Variants in TRAPPC12 observed in about 807,000 individuals in gnomAD.
TRAPPC12 encodes the protein trafficking protein particle complex subunit 12.
A neutral mutation model predicts 69.2 loss-of-function variants in TRAPPC12; 61 were observed. The observed-to-expected ratio is 0.88, with a 90% CI of 0.72 to 1.09. TRAPPC12 has a LOEUF of 1.09. Ranked by LOEUF, TRAPPC12 falls within the 50% of genes least tolerant of loss-of-function variation. The pLI, the probability that TRAPPC12 is intolerant of heterozygous loss-of-function variation, is 0.00. For missense variants in TRAPPC12, 1,101 were observed against 1,016.4 expected, an observed-to-expected ratio of 1.08 and a Z score of -1.13; for synonymous variants, 469 against 438.9, an observed-to-expected ratio of 1.07 and a Z score of -0.86.
chr2:3,456,472 C>G (rs1028722628), intron 6 of TRAPPC12: 1 of 152,250 alleles, frequency 6.6e-6, no homozygotes, highest in Admixed American at 6.5e-5. Flanking sequence ...GGAAGCGACA[C>G]GTTGCACAAA....
At chr2:3,438,516 C>T (rs1466201069) in intron 5 of TRAPPC12, among the ~76,000 whole-genome samples, 5 of 76,138 alleles carry the variant, frequency 6.6e-5, no homozygotes, top group Non-Finnish European at 1.2e-4. Context: ...CTGGATCAAT[C>T]CCCCCAATCC....
At chr2:3,406,907 C>A (rs185209071) in intron 3 of TRAPPC12, among the ~76,000 whole-genome samples, 1 of 152,274 alleles carries the variant, frequency 6.6e-6, no homozygotes, top group East Asian at 1.9e-4. Context: ...GTGTTTCATA[C>A]GTTGGAAATA....
chr2:3,476,936 C>T lies in TRAPPC12; in HGVS notation c.1777-759C>T, dbSNP rs150668779. Among the ~76,000 whole-genome samples the T allele has an allele frequency of 1.4e-4, 22 of 152,372 alleles. 1 individual carries two copies. In the South Asian group the frequency reaches 2.5e-3, roughly 17 times the overall value. ...GCAACTCTGTCTTTACCCTCGTGAG[C>T]GCGGCTTGGGCCATAATAGGACTTT... On this transcript the variant is annotated intron_variant, in intron 9 of 11. Transcript: ENST00000324266.
At chr2:3,471,300 C>G (rs1248050271) in intron 9 of TRAPPC12, among the ~76,000 whole-genome samples, 1 of 152,208 alleles carries the variant, frequency 6.6e-6, no homozygotes, top group African/African-American at 2.4e-5. Flanking sequence ...AACCCTGGCT[C>G]AAATTACAGA....
intron 7 of TRAPPC12, 54 bp downstream of exon 7, chr2:3,457,747 T>C: frequency 6.3e-7 from 1 of 1,599,698 alleles, no homozygotes; most frequent in Non-Finnish European, 8.5e-7. Context: ...ACTGACAGAC[T>C]GAGCCCAAAG....
intron 3 of TRAPPC12, among the ~76,000 whole-genome samples, chr2:3,404,058 C>G (rs1661595185): frequency 6.6e-6 from 1 of 152,140 alleles, no homozygotes; most frequent in East Asian, 1.9e-4. Context: ...AGAAGCTTTC[C>G]TGGGTTCAGT....
At chr2:3,405,110 C>T (rs1266231376) in intron 3 of TRAPPC12, among the ~76,000 whole-genome samples, 1 of 139,982 alleles carries the variant, frequency 7.1e-6, no homozygotes, top group Non-Finnish European at 1.5e-5. Context: ...TTGGTAGGGC[C>T]AGTGTCAGGC....
rs1265665158 is a variant in TRAPPC12, at chr2:3,388,116, C to G, written c.493C>G (p.Gln165Glu). 6.4e-7 allele frequency: 1 copy of G among 1,573,538 alleles called. No individual in the cohort carries two copies. Among genetic ancestry groups the G allele is most frequent in the South Asian group, 1.1e-5 (1 of 87,448 alleles). ...EPVPVCTIFSQRAPPASGDGF... is the reference protein window; with the variant it reads ...EPVPVCTIFSERAPPASGDGF... ...GGTCCCGGTGTGCACCATCTTCAGC[C>G]AGCGCGCGCCCCCAGCCTCCGGGGA... is the stretch of plus-strand genomic sequence containing the variant. Residue 165 changes from glutamine (Q) to glutamate (E), a missense_variant, in exon 2 of 12, where the codon CAG (glutamine) becomes GAG (glutamate). Transcript: ENST00000324266.
In TRAPPC12 at chr2:3,401,877, G is replaced by T; in HGVS notation, c.1148G>T (p.Gly383Val). The T allele has an allele frequency of 6.3e-7, 1 of 1,585,880 alleles. No homozygotes were observed. The highest frequency in any genetic ancestry group is 8.6e-7 in the Non-Finnish European group (1 of 1,167,738). Reference protein sequence around the residue: ...NADSVEQSFVGLKQLISCRNW... With the variant: ...NADSVEQSFVVLKQLISCRNW... The stretch of plus-strand genomic sequence containing the variant: ...GACTCAGTGGAACAATCTTTTGTTG[G>T]ATTGAAACAGCTAATCGTAAGTGAC... The change falls in exon 3 of 12, where the codon GGA (glycine) becomes GTA (valine). Residue 383 changes from glycine to valine, a missense_variant. Coordinates refer to ENST00000324266, the MANE Select transcript of TRAPPC12 (RefSeq NM_016030.6).
chr2:3,468,970 A>C (rs949927737), intron 9 of TRAPPC12, among the ~76,000 whole-genome samples: 3 of 152,236 alleles, frequency 2.0e-5, no homozygotes, highest in Non-Finnish European at 2.9e-5. Flanking sequence ...GCCTGAACTA[A>C]ATGTAGACAG....
intron 3 of TRAPPC12, among the ~76,000 whole-genome samples, chr2:3,411,384 CATT>C (rs1379956485): frequency 6.6e-6 from 1 of 152,160 alleles, no homozygotes; most frequent in Non-Finnish European, 1.5e-5. Context: ...GCTGATCCAT[CATT>C]ATTTTTTCAT....
At chr2:3,424,883 G>A (rs540412793) in intron 5 of TRAPPC12, among the ~76,000 whole-genome samples, 20 of 152,338 alleles carry the variant, frequency 1.3e-4, no homozygotes, top group African/African-American at 4.1e-4. Flanking sequence ...TGTACATTTA[G>A]CAGCTACGTG....
intron 5 of TRAPPC12, among the ~76,000 whole-genome samples, chr2:3,438,190 T>TCC (rs1467751774): frequency 3.6e-5 from 1 of 27,864 alleles, no homozygotes; most frequent in African/African-American, 1.6e-4. Flanking sequence ...CCTGGATTAA[T>TCC]CCCCACCACC....
rs1397644815 is a variant in TRAPPC12 at position 3,414,559 on chromosome 2, C to T, written c.1165-7322C>T. On this transcript the variant is annotated intron_variant, in intron 3 of 11. Transcript: ENST00000324266. The surrounding 1 kb of genome is among the most constrained non-coding windows in gnomAD (Gnocchi z 4.9). Reference sequence around the variant, plus strand: ...CCCCTGACCCCATCCCCCAGCTGTCCCCGCTGTGCAGTGCCTTGAACGTGC... The same window carrying T: ...CCCCTGACCCCATCCCCCAGCTGTCTCCGCTGTGCAGTGCCTTGAACGTGC... Among the ~76,000 whole-genome samples the T allele has an allele frequency of 6.6e-6, 1 of 151,662 alleles. No homozygotes were observed. Among genetic ancestry groups the T allele is most frequent in the Admixed American group, 6.6e-5 (1 of 15,220 alleles).
intron 10 of TRAPPC12, 107 bp from the exon 11 acceptor site, chr2:3,478,739 G>A: frequency 1.1e-6 from 1 of 934,576 alleles, no homozygotes; most frequent in Non-Finnish European, 1.7e-6. Context: ...GGGCCACACA[G>A]GGCCATACGC....
rs1237831100 is a variant in TRAPPC12, at chr2:3,477,769, G to T, written c.1851G>T (p.Gln617His). The T allele has an allele frequency of 6.2e-7, 1 of 1,600,174 alleles. No individual in the cohort carries two copies. Among genetic ancestry groups the T allele is most frequent in the East Asian group, 2.2e-5 (1 of 44,770 alleles). The change falls in exon 10 of 12, where the codon CAG becomes CAT. Residue 617 changes from glutamine (Q) to histidine (H), a missense_variant. Transcript: ENST00000324266. ...TAACACAGAAATTAGATGGACTACA[G>T]GGTAAAATCATGGTTTTGATGAACA... ...EKVTQKLDGLQGKIMVLMNSA... is the reference protein window; with the variant it reads ...EKVTQKLDGLHGKIMVLMNSA...
At chr2:3,450,643 A>G (rs1208820757) in intron 6 of TRAPPC12, among the ~76,000 whole-genome samples, 2 of 152,202 alleles carry the variant, frequency 1.3e-5, no homozygotes, top group Admixed American at 1.3e-4. Context: ...AGCAGCTCCA[A>G]GAAGACTCTT....
At chr2:3,404,220 G>A (rs554298942) in intron 3 of TRAPPC12, among the ~76,000 whole-genome samples, 2 of 152,196 alleles carry the variant, frequency 1.3e-5, no homozygotes, top group South Asian at 4.1e-4. Context: ...GGTCGCGCAG[G>A]GACATCGTGC....
chr2:3,458,672 C>T (rs890894557), intron 7 of TRAPPC12, among the ~76,000 whole-genome samples: 8 of 152,178 alleles, frequency 5.3e-5, no homozygotes, highest in Non-Finnish European at 1.0e-4. Flanking sequence ...ACTGTCTGCT[C>T]ATGGATGTCC....
Sources: gnomAD v4.1 joint callset for allele counts (sites outside exome capture counted in the v4.1 genomes callset) on GRCh38, gnomAD v4.1.1 for gene constraint, Gnocchi (gnomAD v3.1) non-coding constraint, MANE v1.5 for transcripts, NCBI Gene and HGNC (gene_info 2026-07-23, HGNC 2026-07-21) for gene names.